The following SPOCK3 variants were observed in gnomAD, a reference collection of about 807,000 sequenced individuals.
SPOCK3 encodes SPARC (osteonectin), cwcv and kazal like domains proteoglycan 3.
Under a neutral mutation model 56.6 loss-of-function variants are expected in SPOCK3, and 30 were observed. That is an observed-to-expected ratio of 0.53 (90% CI 0.40 to 0.72). The LOEUF (loss-of-function observed/expected upper bound fraction) is 0.72, where lower values mean the gene tolerates loss of function less well. Ranked by LOEUF, SPOCK3 falls within the 30% of genes least tolerant of loss-of-function variation. The pLI is 0.00. For synonymous variants in SPOCK3, 196 were observed against 183.3 expected (o/e 1.07, Z -0.56); for missense variants, 527 against 530.0 (o/e 0.99, Z 0.06).
At chr4:167,092,883 C>CACTTTTTAT (rs1414443245) in intron 2 of SPOCK3, among the ~76,000 whole-genome samples, 1 of 152,158 alleles carries the variant, frequency 6.6e-6, no homozygotes, top group Non-Finnish European at 1.5e-5. Flanking sequence ...TCCACCTTGT[C>CACTTTTTAT]ACTTTTTATA....
At chr4:167,037,780 C>T (rs1439112651) in intron 3 of SPOCK3, among the ~76,000 whole-genome samples, 1 of 152,226 alleles carries the variant, frequency 6.6e-6, no homozygotes, top group Non-Finnish European at 1.5e-5. Flanking sequence ...AAATCTGGTT[C>T]ATACCAAATA....
intron 5 of SPOCK3, among the ~76,000 whole-genome samples, chr4:166,901,621 A>G (rs754945152): frequency 4.6e-5 from 7 of 152,264 alleles, no homozygotes; most frequent in Non-Finnish European, 7.4e-5. Flanking sequence ...CTGTAGGTCA[A>G]GTAGTGACAT....
At chr4:166,945,367 G>A (rs563693312) in intron 4 of SPOCK3, among the ~76,000 whole-genome samples, 2 of 152,150 alleles carry the variant, frequency 1.3e-5, no homozygotes, top group Admixed American at 6.5e-5. Context: ...TATAAATCAT[G>A]ATGATTCTAA....
rs1283203016 is a variant in SPOCK3, at chr4:167,108,987, TATATTTATATATATATAAATATATAC to T, written c.190-46476_190-46451del. Among the ~76,000 whole-genome samples the T allele has an allele frequency of 2.5e-3, 58 of 23,000 alleles. 4 individuals carry two copies. Among genetic ancestry groups the T allele is most frequent in the African/African-American group, 0.011 (52 of 4,536 alleles). The allele number at this position is 23,000 out of a possible 152,430, so 15.1% of individuals were successfully genotyped here. ...TATAAATATATAAATATTATAAATATATATTTATATATATATAAATATATACTTATATAAAAATATATATAAATATA... is the reference window on the plus strand; with the variant it reads ...TATAAATATATAAATATTATAAATATTTATATAAAAATATATATAAATATA... On this transcript the variant is annotated intron_variant, in intron 2 of 10. Transcript: ENST00000357545.
intron 2 of SPOCK3, among the ~76,000 whole-genome samples, chr4:167,165,153 A>C (rs1416076180): frequency 6.6e-6 from 1 of 152,152 alleles, no homozygotes; most frequent in Non-Finnish European, 1.5e-5. Context: ...AGGCATGGGC[A>C]AAGACTTCAT....
intron 3 of SPOCK3, among the ~76,000 whole-genome samples, chr4:167,003,135 A>T (rs1314769488): frequency 6.6e-6 from 1 of 152,034 alleles, no homozygotes; most frequent in African/African-American, 2.4e-5. Flanking sequence ...AAGTTCTGTC[A>T]CACAGTTTTG....
chr4:166,912,542 G>C, intron 5 of SPOCK3, 78 bp downstream of exon 5: 1 of 1,327,114 alleles, frequency 7.5e-7, no homozygotes, highest in Non-Finnish European at 1.1e-6. Flanking sequence ...TTATCACATT[G>C]GATAAGCAAT....
At chr4:167,228,115 T>A (rs1278854772) in intron 2 of SPOCK3, among the ~76,000 whole-genome samples, 1 of 152,160 alleles carries the variant, frequency 6.6e-6, no homozygotes, top group Admixed American at 6.6e-5. Context: ...GGCTTTCTAC[T>A]CAACATGTTA....
intron 6 of SPOCK3, among the ~76,000 whole-genome samples, chr4:166,815,106 AATGACTGTTAGAATGAGT>A: frequency 6.6e-6 from 1 of 152,180 alleles, no homozygotes; most frequent in East Asian, 1.9e-4. Context: ...CATTTCTTAA[AATGACTGTTAGAATGAGT>A]ATGGAAAGGC....
chr4:166,959,034 T>C (rs1743831956), intron 4 of SPOCK3, among the ~76,000 whole-genome samples: 1 of 152,214 alleles, frequency 6.6e-6, no homozygotes, highest in Non-Finnish European at 1.5e-5. Context: ...GATTAATTTT[T>C]ATTTATAAAG....
At chr4:167,042,482 C>A (rs1753317906) in intron 3 of SPOCK3, among the ~76,000 whole-genome samples, 1 of 152,094 alleles carries the variant, frequency 6.6e-6, no homozygotes, top group African/African-American at 2.4e-5. Flanking sequence ...AGGCATGGAG[C>A]TAATGATGTA....
chr4:167,112,876 T>C (rs1489645453), intron 2 of SPOCK3, among the ~76,000 whole-genome samples: 1 of 152,052 alleles, frequency 6.6e-6, no homozygotes. Flanking sequence ...ATATTAGATG[T>C]GTTAAGTGTA....
intron 3 of SPOCK3, among the ~76,000 whole-genome samples, chr4:167,024,503 A>G (rs1751506796): frequency 1.3e-5 from 2 of 152,168 alleles, no homozygotes; most frequent in South Asian, 4.1e-4. Flanking sequence ...GTTAATTTTA[A>G]CCCTACAATT....
At chr4:166,954,083 A>AT (rs1175940775) in intron 4 of SPOCK3, among the ~76,000 whole-genome samples, 4 of 150,254 alleles carry the variant, frequency 2.7e-5, no homozygotes, top group South Asian at 4.4e-4. Flanking sequence ...TTAAAGTATA[A>AT]TAAAAAAAAA....
chr4:167,074,549 A>T (rs1355147318), intron 2 of SPOCK3, among the ~76,000 whole-genome samples: 1 of 151,770 alleles, frequency 6.6e-6, no homozygotes, highest in Non-Finnish European at 1.5e-5. Context: ...TACTGTGGGA[A>T]CTCCAAGAGA....
intron 2 of SPOCK3, among the ~76,000 whole-genome samples, chr4:167,204,737 C>A (rs1247710484): frequency 6.6e-6 from 1 of 151,882 alleles, no homozygotes; most frequent in Non-Finnish European, 1.5e-5. Context: ...AAAAAATCAT[C>A]TTCTAACCTT....
chr4:167,143,934 G>C (rs1317006883), intron 2 of SPOCK3, among the ~76,000 whole-genome samples: 1 of 151,982 alleles, frequency 6.6e-6, no homozygotes, highest in African/African-American at 2.4e-5. Flanking sequence ...ATGGGTGAGA[G>C]AGCAGAGGGT....
intron 4 of SPOCK3, among the ~76,000 whole-genome samples, chr4:166,940,201 G>T (rs190661116): frequency 1.4e-4 from 21 of 152,226 alleles, no homozygotes; most frequent in Admixed American, 1.2e-3. Context: ...ATTTGTTCTG[G>T]TGATTCAGTT....
At chr4:167,059,206 G>A (rs570315884) in intron 3 of SPOCK3, among the ~76,000 whole-genome samples, 1 of 152,150 alleles carries the variant, frequency 6.6e-6, no homozygotes, top group South Asian at 2.1e-4. Context: ...CCATCAGAGT[G>A]AACAGGCAAC....
Sources: allele counts gnomAD v4.1 joint callset (sites outside exome capture counted in the v4.1 genomes callset), GRCh38; gene constraint gnomAD v4.1.1; transcripts MANE v1.5; gene names NCBI Gene and HGNC (gene_info 2026-07-23, HGNC 2026-07-21).